Variants in LARGE1 observed in about 807,000 individuals in gnomAD.
LARGE1 encodes xylosyl- and glucuronyltransferase LARGE1.
LARGE1 carries 43 observed loss-of-function variants against 87.6 expected under a neutral mutation model. The ratio of observed to expected loss-of-function variants is 0.49; its 90% CI spans 0.38 to 0.63. The LOEUF is 0.63. Ranked by LOEUF, LARGE1 falls within the 30% of genes least tolerant of loss-of-function variation. The pLI is 0.00. For synonymous variants in LARGE1, 434 were observed against 394.6 expected, an observed-to-expected ratio of 1.10 and a Z score of -1.18; for missense variants, 802 against 1,000.2, an observed-to-expected ratio of 0.80 and a Z score of 2.67.
chr22:33,677,393 A>G (rs2081615982), intron 2 of LARGE1, among the ~76,000 whole-genome samples: 1 of 152,192 alleles, frequency 6.6e-6, no homozygotes, highest in African/African-American at 2.4e-5. Context: ...AGAGGAACAA[A>G]GTATTCTGAT....
downstream of LARGE1, among the ~76,000 whole-genome samples, chr22:33,271,829 G>A (rs1009473459): frequency 6.6e-6 from 1 of 152,222 alleles, no homozygotes; most frequent in African/African-American, 2.4e-5. Context: ...CAATGTCTGA[G>A]CTCCAGCCTT....
intron 6 of LARGE1, among the ~76,000 whole-genome samples, chr22:33,473,506 C>T (rs2068942425): frequency 6.6e-6 from 1 of 152,194 alleles, no homozygotes; most frequent in African/African-American, 2.4e-5. Context: ...CATGCCACCA[C>T]CATGCCCAGC....
At chr22:33,677,059 A>C (rs1405597927) in intron 2 of LARGE1, among the ~76,000 whole-genome samples, 1 of 152,196 alleles carries the variant, frequency 6.6e-6, no homozygotes. Flanking sequence ...GACGGCTCAG[A>C]GACCTTCGAC....
chr22:33,590,748 G>A (rs191086534), intron 5 of LARGE1, among the ~76,000 whole-genome samples: 4 of 152,302 alleles, frequency 2.6e-5, no homozygotes, highest in Non-Finnish European at 5.9e-5. Flanking sequence ...TACCACAGCT[G>A]TTTACCAGTT....
chr22:33,354,754 T>G (rs1011456761), intron 9 of LARGE1, among the ~76,000 whole-genome samples: 40 of 152,252 alleles, frequency 2.6e-4, no homozygotes, highest in African/African-American at 9.2e-4. Flanking sequence ...TTTTTCCATT[T>G]GGATCTGTGA....
the LARGE1 span, among the ~76,000 whole-genome samples, chr22:33,083,786 C>G: frequency 6.6e-6 from 1 of 152,168 alleles, no homozygotes; most frequent in African/African-American, 2.4e-5. Context: ...TGACTCAGTT[C>G]AATCAAGCAA....
intron 12 of LARGE1, among the ~76,000 whole-genome samples, chr22:33,300,542 T>C (rs984118765): frequency 1.3e-5 from 2 of 151,970 alleles, no homozygotes; most frequent in Non-Finnish European, 2.9e-5. Context: ...TGCTCAGCAA[T>C]TTTTTTTCTT....
intron 12 of LARGE1, among the ~76,000 whole-genome samples, chr22:33,295,526 A>G (rs1030949122): frequency 3.3e-5 from 5 of 152,332 alleles, no homozygotes; most frequent in Admixed American, 6.5e-5. Context: ...GGATTTAGCA[A>G]TCTACCTTAG....
chr22:33,120,090 A>G, the LARGE1 span, among the ~76,000 whole-genome samples: 1 of 152,154 alleles, frequency 6.6e-6, no homozygotes, highest in Non-Finnish European at 1.5e-5. Flanking sequence ...ATTAGTAAAT[A>G]TATTGACTCT....
intron 11 of LARGE1, among the ~76,000 whole-genome samples, chr22:33,173,329 C>G (rs1440929468): frequency 6.6e-6 from 1 of 152,136 alleles, no homozygotes; most frequent in Non-Finnish European, 1.5e-5. Flanking sequence ...ACCAAGCCTG[C>G]CTTACAAAAG....
intron 1 of LARGE1, among the ~76,000 whole-genome samples, chr22:33,811,774 G>T (rs1446398688): frequency 4.6e-5 from 7 of 152,170 alleles, no homozygotes; most frequent in Admixed American, 3.9e-4. Flanking sequence ...GCTGCTCTGA[G>T]CCTTAGAAAA....
chr22:33,303,310 C>G (rs1934410474), intron 12 of LARGE1, among the ~76,000 whole-genome samples: 1 of 152,208 alleles, frequency 6.6e-6, no homozygotes, highest in Admixed American at 6.5e-5. Flanking sequence ...TGCAGCCAGA[C>G]TGGCTGTTTC....
intron 2 of LARGE1, among the ~76,000 whole-genome samples, chr22:33,652,468 T>C (rs2149194479): frequency 6.6e-6 from 1 of 152,278 alleles, no homozygotes; most frequent in African/African-American, 2.4e-5. Flanking sequence ...GGAGCCCCAG[T>C]GGCACAAGGC....
intron 1 of LARGE1, among the ~76,000 whole-genome samples, chr22:33,917,902 CA>C (rs1284877259): frequency 6.6e-6 from 1 of 152,140 alleles, no homozygotes; most frequent in Non-Finnish European, 1.5e-5. Context: ...ACCACAGGCT[CA>C]TGAACCCTCA....
intron 1 of LARGE1, among the ~76,000 whole-genome samples, chr22:33,838,227 A>G (rs2063165462): frequency 6.6e-6 from 1 of 152,126 alleles, no homozygotes. Context: ...CCCCTACACA[A>G]TCTCTAGTAA....
downstream of LARGE1, among the ~76,000 whole-genome samples, chr22:33,160,486 G>A (rs1221833115): frequency 6.6e-6 from 1 of 152,144 alleles, no homozygotes; most frequent in East Asian, 1.9e-4. Context: ...AATACAATAC[G>A]ATTCTCTTCT....
intron 2 of LARGE1, among the ~76,000 whole-genome samples, chr22:33,702,316 C>G (rs2082424405): frequency 6.6e-6 from 1 of 152,166 alleles, no homozygotes; most frequent in South Asian, 2.1e-4. Flanking sequence ...CATGTGTCCA[C>G]CACACCTACC....
At chr22:33,115,642 C>G in the LARGE1 span, among the ~76,000 whole-genome samples, 1 of 151,656 alleles carries the variant, frequency 6.6e-6, no homozygotes. Context: ...ATGGTGAAAC[C>G]TCGTCTCTAC....
chr22:33,455,686 G>T (rs1297324877), intron 6 of LARGE1, among the ~76,000 whole-genome samples: 1 of 149,904 alleles, frequency 6.7e-6, no homozygotes, highest in Non-Finnish European at 1.5e-5. Flanking sequence ...CCCAGGAGGC[G>T]GAGGTTGCAG....
Sources: allele counts gnomAD v4.1 joint callset (sites outside exome capture counted in the v4.1 genomes callset), GRCh38; gene constraint gnomAD v4.1.1; transcripts MANE v1.5; gene names NCBI Gene and HGNC (gene_info 2026-07-23, HGNC 2026-07-21).